The following RSRC1 variants were observed in gnomAD, a reference collection of about 807,000 sequenced individuals.
RSRC1 encodes serine/Arginine-related protein 53.
RSRC1 carries 39 observed loss-of-function variants against 49.1 expected under a neutral mutation model. The observed-to-expected ratio is 0.79, with a 90% CI of 0.61 to 1.04. RSRC1 has a LOEUF of 1.04. Ranked by LOEUF, RSRC1 falls within the 50% of genes least tolerant of loss-of-function variation. The probability of loss-of-function intolerance (pLI) is 0.00; values close to 1 mark genes in which losing one functional copy is unlikely to be tolerated. For synonymous variants in RSRC1, 143 were observed against 130.8 expected, an observed-to-expected ratio of 1.09 and a Z score of -0.63; for missense variants, 388 against 402.4, an observed-to-expected ratio of 0.96 and a Z score of 0.31.
intron 7 of RSRC1, among the ~76,000 whole-genome samples, chr3:158,526,141 C>G (rs1201927532): frequency 6.6e-6 from 1 of 151,904 alleles, no homozygotes; most frequent in Non-Finnish European, 1.5e-5. Flanking sequence ...TAGCAAAATA[C>G]TCTGCTTTTA....
At chr3:158,433,592 G>A (rs529463521) in intron 6 of RSRC1, among the ~76,000 whole-genome samples, 1 of 152,022 alleles carries the variant, frequency 6.6e-6, no homozygotes, top group East Asian at 2.0e-4. Flanking sequence ...TGATATTTTA[G>A]CACACATATT....
At chr3:158,155,772 G>C (rs1197012934) in intron 3 of RSRC1, among the ~76,000 whole-genome samples, 3 of 151,952 alleles carry the variant, frequency 2.0e-5, no homozygotes, top group East Asian at 1.9e-4. Context: ...TTTTTTCTGA[G>C]CAGTAGGTCT....
At chr3:158,426,356 C>G (rs1247358911) in intron 6 of RSRC1, among the ~76,000 whole-genome samples, 1 of 150,800 alleles carries the variant, frequency 6.6e-6, no homozygotes, top group African/African-American at 2.4e-5. Flanking sequence ...TCTTTTAAAC[C>G]CTGCAAATCA....
In RSRC1 at chr3:158,239,777, G is replaced by A. The variant is rs1042746263; in HGVS notation, c.494+36532G>A. Among the ~76,000 whole-genome samples the A allele has an allele frequency of 3.9e-5, 6 of 151,966 alleles. No homozygotes were observed. The East Asian group carries it at 7.7e-4, about 20-fold the overall frequency. On this transcript the variant is annotated intron_variant, in intron 4 of 9. Transcript: ENST00000611884. ...GGTACTGGAATTTCTTCTATATTCT[G>A]GGTTTAATTCTTTGGTCAGATATGT...
At chr3:158,221,897 A>G (rs537122813) in intron 4 of RSRC1, among the ~76,000 whole-genome samples, 1 of 151,728 alleles carries the variant, frequency 6.6e-6, no homozygotes, top group Admixed American at 6.6e-5. Flanking sequence ...AGAGATTCGT[A>G]TAATGAAGCT....
At chr3:158,319,939 A>G (rs1728669589) in intron 5 of RSRC1, among the ~76,000 whole-genome samples, 4 of 152,164 alleles carry the variant, frequency 2.6e-5, no homozygotes, top group Admixed American at 2.6e-4. Flanking sequence ...CATATGTTAC[A>G]AGTTTATAGT....
intron 3 of RSRC1, among the ~76,000 whole-genome samples, chr3:158,153,079 C>A (rs1046099273): frequency 6.6e-6 from 1 of 152,144 alleles, no homozygotes; most frequent in South Asian, 2.1e-4. Flanking sequence ...AGACAACCTA[C>A]CTCTGGGCAA....
intron 6 of RSRC1, among the ~76,000 whole-genome samples, chr3:158,443,301 G>A (rs950383642): frequency 1.3e-5 from 2 of 152,148 alleles, no homozygotes; most frequent in African/African-American, 4.8e-5. Flanking sequence ...GGTTTTGTCT[G>A]CATTGAAAAT....
Position 158,258,104 on chromosome 3 carries a change from G to A in RSRC1, c.495-39935G>A, listed in dbSNP as rs572122869. On this transcript the variant is annotated intron_variant, in intron 4 of 9. Coordinates refer to ENST00000611884, the MANE Select transcript of RSRC1 (RefSeq NM_001271838.2). Reference sequence around the variant, plus strand: ...CCACAGTTACATGTTATAATATTCTGTGTTTTTCTGTTTACTTACTATTAC... The same window carrying A: ...CCACAGTTACATGTTATAATATTCTATGTTTTTCTGTTTACTTACTATTAC... 1.4e-4 allele frequency among the ~76,000 whole-genome samples: 21 copies of A among 149,540 alleles called. No homozygotes were observed. In the South Asian group the frequency reaches 4.3e-3, roughly 30 times the overall value.
intron 4 of RSRC1, among the ~76,000 whole-genome samples, chr3:158,257,096 A>G (rs1192967780): frequency 1.3e-5 from 2 of 151,558 alleles, no homozygotes; most frequent in Non-Finnish European, 2.9e-5. Context: ...GATCTTAGTT[A>G]TTTCTTGCCT....
chr3:158,417,116 C>T (rs1270653185), intron 6 of RSRC1, among the ~76,000 whole-genome samples: 1 of 152,018 alleles, frequency 6.6e-6, no homozygotes. Flanking sequence ...TAGGCTGCAT[C>T]TATAACATAT....
chr3:158,215,342 G>A (rs1354966440), intron 4 of RSRC1, among the ~76,000 whole-genome samples: 1 of 144,144 alleles, frequency 6.9e-6, no homozygotes, highest in Non-Finnish European at 1.5e-5. Flanking sequence ...AGGTTTTGCT[G>A]TGTTGCCCAG....
Position 158,367,175 on chromosome 3 carries a change from G to T in RSRC1, c.583+12267G>T, listed in dbSNP as rs375759768. On this transcript the variant is annotated intron_variant, in intron 6 of 9. Coordinates refer to ENST00000611884, the MANE Select transcript of RSRC1 (RefSeq NM_001271838.2). ...TGGCCAGACCTTCCAATACTTTGTT[G>T]AATAGGAGTGGTGAGAGAGGGCATC... 6.1e-3 allele frequency among the ~76,000 whole-genome samples: 928 copies of T among 152,192 alleles called. 14 individuals carry two copies. Among genetic ancestry groups the T allele is most frequent in the African/African-American group, 0.022 (895 of 41,514 alleles).
In RSRC1 at chr3:158,139,336, G is replaced by A. The variant is rs187737034; in HGVS notation, c.320+15345G>A. On this transcript the variant is annotated intron_variant, in intron 3 of 9. Transcript: ENST00000611884. ...CAGGAGAATCACTTGAACCTGGGCG[G>A]TGGAGGTTGCAGTGAGCTGAGATCG... Among the ~76,000 whole-genome samples the A allele has an allele frequency of 9.1e-3, 1,389 of 152,176 alleles. 20 individuals are homozygous for A. The highest frequency in any genetic ancestry group is 0.011 in the Non-Finnish European group (747 of 68,010).
At chr3:158,221,881 A>C (rs1166253214) in intron 4 of RSRC1, among the ~76,000 whole-genome samples, 1 of 151,560 alleles carries the variant, frequency 6.6e-6, no homozygotes, top group Non-Finnish European at 1.5e-5. Context: ...AAACATAAAA[A>C]TGTGGAGAGA....
Position 158,175,257 on chromosome 3 carries a change from T to G in RSRC1, c.321-27815T>G, listed in dbSNP as rs535432067. Among the ~76,000 whole-genome samples the G allele has an allele frequency of 2.6e-4, 39 of 152,226 alleles. No individual in the cohort carries two copies. In the East Asian group the frequency reaches 7.1e-3, roughly 28 times the overall value. ...GTTGATATTATTTCAAATATCTTCT[T>G]CCATTCTGTGGCTTACCTTTTTACT... On this transcript the variant is annotated intron_variant, in intron 3 of 9. Coordinates refer to ENST00000611884, the MANE Select transcript of RSRC1 (RefSeq NM_001271838.2).
At chr3:158,408,173 C>T (rs551834197) in intron 6 of RSRC1, among the ~76,000 whole-genome samples, 5 of 152,324 alleles carry the variant, frequency 3.3e-5, no homozygotes, top group Non-Finnish European at 7.4e-5. Context: ...GCTCTAGATA[C>T]ACCTTCCTCA....
At chr3:158,373,372 G>A (rs1390720591) in intron 6 of RSRC1, among the ~76,000 whole-genome samples, 1 of 151,848 alleles carries the variant, frequency 6.6e-6, no homozygotes, top group Non-Finnish European at 1.5e-5. Flanking sequence ...GTTTTTCATA[G>A]ATGACTTTTT....
intron 3 of RSRC1, among the ~76,000 whole-genome samples, chr3:158,135,639 A>G (rs1359589976): frequency 2.0e-5 from 3 of 151,376 alleles, no homozygotes; most frequent in South Asian, 2.1e-4. Context: ...TTTTTTCTTC[A>G]CATGGTAGCC....
Sources: gnomAD v4.1 joint callset for allele counts (sites outside exome capture counted in the v4.1 genomes callset) on GRCh38, gnomAD v4.1.1 for gene constraint, MANE v1.5 for transcripts, NCBI Gene and HGNC (gene_info 2026-07-23, HGNC 2026-07-21) for gene names.